The following PPM1B variants were observed in gnomAD, a reference collection of about 807,000 sequenced individuals.
PPM1B encodes the protein protein phosphatase 1B.
A neutral mutation model predicts 43.0 loss-of-function variants in PPM1B; 22 were observed. That is an observed-to-expected ratio of 0.51 (90% confidence interval 0.37 to 0.73). PPM1B has a LOEUF of 0.73. PPM1B is among the 30% of genes least tolerant of loss of function. The pLI, the probability that PPM1B is intolerant of heterozygous loss-of-function variation, is 0.00. For synonymous variants in PPM1B, 217 were observed against 197.9 expected, an observed-to-expected ratio of 1.10 and a Z score of -0.81; for missense variants, 632 against 584.2, an observed-to-expected ratio of 1.08 and a Z score of -0.84.
chr2:44,209,824 C>T lies in PPM1B; in HGVS notation c.964+497C>T, dbSNP rs1267997836. ...CATAGGACAAACAAGTATTTCAAAA[C>T]AAGTCCTTGAAAAAACACATCTATC... On this transcript the variant is annotated intron_variant, in intron 3 of 5. Coordinates refer to ENST00000282412, the MANE Select transcript of PPM1B (RefSeq NM_002706.6). 2.0e-5 allele frequency among the ~76,000 whole-genome samples: 3 copies of T among 148,888 alleles called. No homozygotes were observed. The East Asian group carries it at 5.8e-4, about 29-fold the overall frequency.
chr2:44,169,616 GC>G (rs1328517221), intron 1 of PPM1B, among the ~76,000 whole-genome samples: 1 of 152,240 alleles, frequency 6.6e-6, no homozygotes, highest in African/African-American at 2.4e-5. Context: ...AAGCACTGGG[GC>G]TACCCCAAGC....
intron 1 of PPM1B, among the ~76,000 whole-genome samples, chr2:44,197,616 A>G (rs985208701): frequency 1.3e-5 from 2 of 152,086 alleles, no homozygotes; most frequent in Admixed American, 1.3e-4. Flanking sequence ...TATAACTATT[A>G]TTTATTTTTT....
chr2:44,235,624 A>AG (rs57632304), downstream of PPM1B, among the ~76,000 whole-genome samples: 236 of 136,588 alleles, frequency 1.7e-3, no homozygotes, highest in African/African-American at 6.1e-3. Flanking sequence ...AAAAAAAAAA[A>AG]GACTGCTTAG....
chr2:44,245,401 G>T (rs567776782), downstream of PPM1B, among the ~76,000 whole-genome samples: 14 of 152,114 alleles, frequency 9.2e-5, no homozygotes, highest in African/African-American at 3.1e-4. Flanking sequence ...TCTGCCTGTC[G>T]TGTTGCATCT....
intron 5 of PPM1B, among the ~76,000 whole-genome samples, chr2:44,223,579 G>A (rs1313932753): frequency 6.6e-6 from 1 of 151,982 alleles, no homozygotes; most frequent in Non-Finnish European, 1.5e-5. Context: ...GGAGGGCGAG[G>A]CAGGAGGATC....
At chr2:44,204,340 C>T (rs1365934101) in intron 2 of PPM1B, among the ~76,000 whole-genome samples, 1 of 152,104 alleles carries the variant, frequency 6.6e-6, no homozygotes, top group Non-Finnish European at 1.5e-5. Flanking sequence ...TCATGGAAAG[C>T]ACTTAGCGAT....
At chr2:44,192,928 A>T (rs557128848) in intron 1 of PPM1B, among the ~76,000 whole-genome samples, 1 of 152,310 alleles carries the variant, frequency 6.6e-6, no homozygotes, top group East Asian at 1.9e-4. Flanking sequence ...ACAGTATTCC[A>T]TTGTGTATAT....
chr2:44,230,878 T>C lies in PPM1B; in HGVS notation c.*160T>C, dbSNP rs890416824. The stretch of plus-strand genomic sequence containing the variant: ...TTAAAAAGGCCTTTGCATACACCTT[T>C]ATGAGATAGTGTAAAATTGACTATT... On this transcript the variant is annotated 3_prime_UTR_variant, in exon 6 of 6. Coordinates refer to ENST00000282412, the MANE Select transcript of PPM1B (RefSeq NM_002706.6). 7.3e-7 allele frequency: 1 copy of C among 1,377,906 alleles called. No individual in the cohort carries two copies. The highest frequency in any genetic ancestry group is 1.5e-5 in the African/African-American group (1 of 68,382). The allele number at this position is 1,377,906 out of a possible 1,614,324, so 85.4% of individuals were successfully genotyped here.
At chr2:44,235,459 C>G (rs894156744), downstream of PPM1B, among the ~76,000 whole-genome samples, 6 of 151,912 alleles carry the variant, frequency 3.9e-5, no homozygotes, top group Admixed American at 3.9e-4. Context: ...CAAAATTAGC[C>G]AGGCATGGTG....
intron 5 of PPM1B, among the ~76,000 whole-genome samples, chr2:44,239,670 T>G (rs1326070668): frequency 6.6e-6 from 1 of 152,206 alleles, no homozygotes; most frequent in Non-Finnish European, 1.5e-5. Context: ...ATCTCTAATG[T>G]TACCTTCCAG....
intron 1 of PPM1B, among the ~76,000 whole-genome samples, chr2:44,174,454 C>T (rs1667487241): frequency 6.6e-6 from 1 of 152,136 alleles, no homozygotes; most frequent in African/African-American, 2.4e-5. Flanking sequence ...TTATTGTCTA[C>T]GTAGAATGGC....
At chr2:44,200,343 G>A (rs2104122379) in intron 1 of PPM1B, among the ~76,000 whole-genome samples, 1 of 152,296 alleles carries the variant, frequency 6.6e-6, no homozygotes, top group South Asian at 2.1e-4. Flanking sequence ...TAAGTCATTT[G>A]AAATTGGGAA....
At chr2:44,245,519 G>A (rs1315482115), downstream of PPM1B, among the ~76,000 whole-genome samples, 1 of 152,206 alleles carries the variant, frequency 6.6e-6, no homozygotes, top group Non-Finnish European at 1.5e-5. Flanking sequence ...AGATGTAGTT[G>A]ATCTGAGTCA....
chr2:44,196,139 A>G (rs893423561), intron 1 of PPM1B, among the ~76,000 whole-genome samples: 10 of 152,146 alleles, frequency 6.6e-5, no homozygotes, highest in Non-Finnish European at 1.5e-4. Flanking sequence ...CTTTATTTGC[A>G]TTTTCTTAGT....
At chr2:44,179,762 A>T (rs1232296147) in intron 1 of PPM1B, among the ~76,000 whole-genome samples, 3 of 152,146 alleles carry the variant, frequency 2.0e-5, no homozygotes, top group Non-Finnish European at 4.4e-5. Flanking sequence ...TAATCCCAGC[A>T]CTTTGGGAGG....
At chr2:44,171,085 C>T (rs537774807) in intron 1 of PPM1B, among the ~76,000 whole-genome samples, 1 of 152,218 alleles carries the variant, frequency 6.6e-6, no homozygotes, top group Admixed American at 6.5e-5. Flanking sequence ...AGCTTTCATA[C>T]TGTAAGATTT....
At chr2:44,245,594 T>A (rs1670840382), downstream of PPM1B, among the ~76,000 whole-genome samples, 1 of 152,240 alleles carries the variant, frequency 6.6e-6, no homozygotes. Flanking sequence ...CTAGAGAGAA[T>A]AAAACTACAT....
downstream of PPM1B, chr2:44,232,396 C>CT (rs769968877): frequency 6.3e-7 from 1 of 1,593,032 alleles, no homozygotes; most frequent in African/African-American, 1.4e-5. Flanking sequence ...GGGGAAAAAA[C>CT]TTTTAATCAC....
At chr2:44,188,975 C>A (rs538187814) in intron 1 of PPM1B, among the ~76,000 whole-genome samples, 21 of 152,170 alleles carry the variant, frequency 1.4e-4, no homozygotes, top group African/African-American at 5.1e-4. Context: ...CTAAGGTAAT[C>A]TTCCCACTTC....
Sources: gnomAD v4.1 joint callset for allele counts (sites outside exome capture counted in the v4.1 genomes callset) on GRCh38, gnomAD v4.1.1 for gene constraint, MANE v1.5 for transcripts, NCBI Gene and HGNC (gene_info 2026-07-23, HGNC 2026-07-21) for gene names.